The following MAP7 variants were observed in gnomAD, a reference collection of about 807,000 sequenced individuals.
The protein encoded by MAP7 is microtubule associated protein 7.
Under a neutral mutation model 94.8 loss-of-function variants are expected in MAP7, and 52 were observed. The observed-to-expected ratio is 0.55, with a 90% CI of 0.44 to 0.69. The LOEUF is 0.69. Among genes scored for constraint, MAP7 ranks in the 30% least tolerant of loss-of-function variants. The pLI, the probability that MAP7 is intolerant of heterozygous loss-of-function variation, is 0.00. For missense variants in MAP7, 940 were observed against 964.6 expected (o/e 0.97, Z 0.34); for synonymous variants, 350 against 357.0 (o/e 0.98, Z 0.22).
chr6:136,434,071 C>T (rs554742173), intron 1 of MAP7, among the ~76,000 whole-genome samples: 2 of 152,110 alleles, frequency 1.3e-5, no homozygotes, highest in Non-Finnish European at 2.9e-5. Flanking sequence ...CTTTGGGGTG[C>T]CAGGGCGAGT....
intron 1 of MAP7, among the ~76,000 whole-genome samples, chr6:136,434,306 C>CA (rs59002856): frequency 0.023 from 1,355 of 59,238 alleles, 10 homozygotes; most frequent in Middle Eastern, 0.048. Context: ...GACTCCGTCT[C>CA]AAAAAAAAAA....
At chr6:136,423,768 A>T (rs1476726600) in intron 1 of MAP7, among the ~76,000 whole-genome samples, 1 of 138,778 alleles carries the variant, frequency 7.2e-6, no homozygotes, top group African/African-American at 2.8e-5. Flanking sequence ...GGGAAAAATA[A>T]AACAGGGAGT....
rs778716270 is a variant in MAP7, at chr6:136,388,449, T to C, written c.470A>G (p.His157Arg). ...MERSQKPKQKHNRWSWGGSLH... is the reference protein window; with the variant it reads ...MERSQKPKQKRNRWSWGGSLH... The stretch of plus-strand genomic sequence containing the variant: ...AGAGCCTCCCCACGACCAACGGTTA[T>C]GCTTCTGTTTTGGCTTCTGGCTCCT... The change falls in exon 5 of 18, where the codon CAT becomes CGT. Residue 157 changes from histidine to arginine, a missense_variant. Coordinates refer to ENST00000354570, the MANE Select transcript of MAP7 (RefSeq NM_003980.6). 1.2e-5 allele frequency: 19 copies of C among 1,614,102 alleles called. No individual in the cohort carries two copies. The highest frequency in any genetic ancestry group is 5.0e-5 in the Admixed American group (3 of 60,006).
intron 1 of MAP7, among the ~76,000 whole-genome samples, chr6:136,485,857 C>T (rs1360260068): frequency 6.6e-6 from 1 of 152,102 alleles, no homozygotes; most frequent in Non-Finnish European, 1.5e-5. Flanking sequence ...CCACCGCGCC[C>T]GGCCACTTCA....
chr6:136,540,485 G>T (rs1308201577), intron 1 of MAP7, among the ~76,000 whole-genome samples: 1 of 152,170 alleles, frequency 6.6e-6, no homozygotes, highest in Non-Finnish European at 1.5e-5. Flanking sequence ...ATACAGAAAT[G>T]TGCGTACATG....
chr6:136,442,982 T>C (rs1798300925), intron 1 of MAP7, among the ~76,000 whole-genome samples: 1 of 152,238 alleles, frequency 6.6e-6, no homozygotes, highest in African/African-American at 2.4e-5. Flanking sequence ...AATATAACCA[T>C]ACTAAGGATA....
chr6:136,519,342 G>T (rs1562482846), intron 1 of MAP7, among the ~76,000 whole-genome samples: 1 of 152,002 alleles, frequency 6.6e-6, no homozygotes, highest in Non-Finnish European at 1.5e-5. Flanking sequence ...TAAATTTTAC[G>T]GCTAAAACCT....
At chr6:136,498,939 C>T (rs1819069393) in intron 1 of MAP7, among the ~76,000 whole-genome samples, 1 of 149,218 alleles carries the variant, frequency 6.7e-6, no homozygotes, top group South Asian at 2.1e-4. Context: ...GACATAGTTT[C>T]ACTCTGTCAC....
intron 3 of MAP7, among the ~76,000 whole-genome samples, chr6:136,391,161 A>C (rs1458025697): frequency 6.6e-6 from 1 of 152,102 alleles, no homozygotes; most frequent in African/African-American, 2.4e-5. Context: ...GCAATAAACA[A>C]CAATGATAGA....
intron 16 of MAP7, among the ~76,000 whole-genome samples, chr6:136,356,405 A>G (rs944662450): frequency 7.2e-5 from 11 of 152,010 alleles, no homozygotes; most frequent in African/African-American, 2.4e-4. Flanking sequence ...GCCTTAAGTA[A>G]TCCTCCCTCC....
chr6:136,483,990 C>T (rs976257966), intron 1 of MAP7, among the ~76,000 whole-genome samples: 3 of 152,190 alleles, frequency 2.0e-5, no homozygotes, highest in African/African-American at 7.2e-5. Context: ...AACTTGCTGG[C>T]TCTGTGTGGC....
chr6:136,501,558 A>AT, intron 1 of MAP7, among the ~76,000 whole-genome samples: 1 of 152,124 alleles, frequency 6.6e-6, no homozygotes, highest in South Asian at 2.1e-4. Flanking sequence ...GGAAATGGAA[A>AT]TTTTTTCAGA....
At position 136,361,045 on chromosome 6, in the gene MAP7, G is replaced by A. The variant is rs747918469; in HGVS notation, c.1661C>T (p.Ala554Val). ...CTCTGCCTCCTCCCGCTCGCGCAGC[G>A]CCCGCTCCTCCGCCTGCCGCTGCAG... ...EQLQRQAEER[A>V]LREREEAERA... Residue 554 changes from alanine to valine, a missense_variant, in exon 12 of 18, where the codon GCG (alanine) becomes GTG (valine). Physicochemically the swap from Ala to Val is moderately conservative, Grantham distance 64 (BLOSUM62 0). Coordinates refer to ENST00000354570, the MANE Select transcript of MAP7 (RefSeq NM_003980.6). 2.3e-5 allele frequency: 37 copies of A among 1,586,206 alleles called. No homozygotes were observed. In the Middle Eastern group the frequency reaches 6.6e-4, roughly 29 times the overall value.
chr6:136,461,797 G>T (rs925949025), intron 1 of MAP7, among the ~76,000 whole-genome samples: 2 of 152,088 alleles, frequency 1.3e-5, no homozygotes, highest in African/African-American at 4.8e-5. Context: ...TACGCTTTTA[G>T]GGTTTTCTCT....
chr6:136,532,394 A>C (rs1828544765), intron 1 of MAP7, among the ~76,000 whole-genome samples: 2 of 152,264 alleles, frequency 1.3e-5, no homozygotes, highest in Admixed American at 1.3e-4. Flanking sequence ...ACATAGAAGA[A>C]AATAAGACAA....
At chr6:136,499,505 A>G (rs896316210) in intron 1 of MAP7, among the ~76,000 whole-genome samples, 4 of 152,102 alleles carry the variant, frequency 2.6e-5, no homozygotes, top group African/African-American at 9.7e-5. Context: ...GCCTGAAGCC[A>G]ATGCAGAGCC....
At chr6:136,371,765 A>C (rs1363199150) in intron 8 of MAP7, among the ~76,000 whole-genome samples, 1 of 152,232 alleles carries the variant, frequency 6.6e-6, no homozygotes, top group African/African-American at 2.4e-5. Flanking sequence ...ATATCTTTCA[A>C]CTGACACCAA....
chr6:136,416,441 C>T (rs1436691330), intron 2 of MAP7, among the ~76,000 whole-genome samples: 2 of 151,994 alleles, frequency 1.3e-5, no homozygotes, highest in Non-Finnish European at 2.9e-5. Context: ...AATTCATTGC[C>T]TTCTTTCTCG....
At chr6:136,414,055 C>T (rs1426083368) in intron 2 of MAP7, among the ~76,000 whole-genome samples, 1 of 151,444 alleles carries the variant, frequency 6.6e-6, no homozygotes, top group Non-Finnish European at 1.5e-5. Context: ...CGAGACCATC[C>T]TGGCTAACAA....
Sources: allele counts gnomAD v4.1 joint callset (sites outside exome capture counted in the v4.1 genomes callset), GRCh38; gene constraint gnomAD v4.1.1; transcripts MANE v1.5; gene names NCBI Gene and HGNC (gene_info 2026-07-23, HGNC 2026-07-21).